VWA5B1: variants seen among roughly 807,000 people sequenced by gnomAD.
VWA5B1 encodes the protein von Willebrand factor A domain-containing protein 5B1.
VWA5B1 carries 115 observed loss-of-function variants against 118.2 expected under a neutral mutation model. The ratio of observed to expected loss-of-function variants is 0.97; its 90% CI spans 0.84 to 1.14. The LOEUF is 1.14. Among genes scored for constraint, VWA5B1 ranks in the 50% most tolerant of loss-of-function variants. The probability of loss-of-function intolerance (pLI) is 0.00; values close to 1 mark genes in which losing one functional copy is unlikely to be tolerated. For synonymous variants in VWA5B1, 682 were observed against 658.4 expected, an observed-to-expected ratio of 1.04 and a Z score of -0.55; for missense variants, 1,596 against 1,603.8, an observed-to-expected ratio of 1.00 and a Z score of 0.08.
Position 20,332,256 on chromosome 1 carries a change from G to A in VWA5B1, c.1573-510G>A, listed in dbSNP as rs553097136. Among the ~76,000 whole-genome samples, 6 of 152,112 alleles carry A rather than the reference G, an allele frequency of 3.9e-5. No individual in the cohort carries two copies. The South Asian group carries it at 1.2e-3, about 32-fold the overall frequency. On this transcript the variant is annotated intron_variant, in intron 11 of 21. Transcript: ENST00000289815. ...GTACTTTGGGAGGCCTAGGAAGGTG[G>A]ATCACTTGAGGCCAAGAGTTTGAGA...
chr1:20,315,536 G>GTGGGACAAGTGCTATT (rs1319733717), intron 4 of VWA5B1, among the ~76,000 whole-genome samples: 2 of 152,224 alleles, frequency 1.3e-5, no homozygotes, highest in African/African-American at 4.8e-5. Flanking sequence ...AGGGGACAGA[G>GTGGGACAAGTGCTATT]TGGGACAAGT....
At chr1:20,335,985 G>A (rs2089704680) in intron 12 of VWA5B1, among the ~76,000 whole-genome samples, 1 of 152,196 alleles carries the variant, frequency 6.6e-6, no homozygotes, top group Admixed American at 6.5e-5. Context: ...TGGAATGGAA[G>A]GAACAGATGG....
intron 9 of VWA5B1, among the ~76,000 whole-genome samples, chr1:20,329,499 A>G (rs4655197): frequency 0.68 from 103,852 of 151,632 alleles, 37,294 homozygotes; most frequent in East Asian, 0.91. Flanking sequence ...AATAAAGACA[A>G]GGTTTCACCA....
At chr1:20,353,532 G>A (rs968506614) in intron 21 of VWA5B1, among the ~76,000 whole-genome samples, 15 of 152,188 alleles carry the variant, frequency 9.9e-5, no homozygotes, top group Admixed American at 6.5e-4. Flanking sequence ...ACCCACCTAG[G>A]ACAAGAGGCA....
chr1:20,296,161 C>A (rs941454050), intron 1 of VWA5B1, among the ~76,000 whole-genome samples: 1 of 152,186 alleles, frequency 6.6e-6, no homozygotes, highest in Admixed American at 6.5e-5. Context: ...CCATGCCCGG[C>A]CAAGGTTGTA....
chr1:20,310,880 A>T (rs563178910), intron 2 of VWA5B1, 140 bp downstream of exon 2: 282 of 1,265,686 alleles, frequency 2.2e-4, no homozygotes, highest in Non-Finnish European at 2.9e-4. Flanking sequence ...AAATGGTGAG[A>T]TTCTTTCTGC....
At chr1:20,294,307 G>A (rs1028074545) in intron 1 of VWA5B1, 1 of 152,108 alleles carries the variant, frequency 6.6e-6, no homozygotes, top group African/African-American at 2.4e-5. Flanking sequence ...TTCGGCGTCT[G>A]GTCACTTGCC....
chr1:20,317,048 C>T (rs928832615), intron 4 of VWA5B1, among the ~76,000 whole-genome samples: 16 of 148,704 alleles, frequency 1.1e-4, no homozygotes, highest in African/African-American at 2.0e-4. Context: ...CCCAGCTACT[C>T]GGGAGGCTGA....
chr1:20,295,985 C>T (rs1007508473), intron 1 of VWA5B1, among the ~76,000 whole-genome samples: 4 of 152,176 alleles, frequency 2.6e-5, no homozygotes, highest in African/African-American at 9.7e-5. Flanking sequence ...GCCTCAGCCT[C>T]CTGAGTAGCT....
At chr1:20,307,479 G>A (rs1192911238) in intron 1 of VWA5B1, among the ~76,000 whole-genome samples, 1 of 152,240 alleles carries the variant, frequency 6.6e-6, no homozygotes, top group East Asian at 1.9e-4. Context: ...ACACTCCCTT[G>A]AGGCCTCACT....
At chr1:20,319,269 G>T in intron 6 of VWA5B1, 113 bp from the exon 7 acceptor site, 1 of 1,440,236 alleles carries the variant, frequency 6.9e-7, no homozygotes, top group Non-Finnish European at 9.3e-7. Flanking sequence ...CTTCCACCCC[G>T]CTTCCAAATG....
chr1:20,345,586 C>A lies in VWA5B1; in HGVS notation c.2757C>A (p.Pro919=). The A allele has an allele frequency of 6.5e-7, 1 of 1,547,376 alleles. No individual in the cohort carries two copies. Among genetic ancestry groups the A allele is most frequent in the South Asian group, 1.2e-5 (1 of 83,708 alleles). Residue 919 remains proline, a synonymous_variant, in exon 17 of 22, where the codon CCC becomes CCA. Transcript: ENST00000289815. ...ACCTGCCCACCGTGGTGGAGTACCC[C>A]AACTCTGGTAAGGCAGGCGAGCGGC... ...SRYLPTVVEY[P]NSGAALRMLG...
chr1:20,350,709 G>A, intron 19 of VWA5B1, 148 bp from the exon 20 acceptor site: 1 of 734,888 alleles, frequency 1.4e-6, no homozygotes, highest in South Asian at 1.6e-5. Flanking sequence ...GGAGCGGAAG[G>A]AGCTCCACAG....
Position 20,342,518 on chromosome 1 carries a change from C to T in VWA5B1, c.2220C>T (p.Gly740=), listed in dbSNP as rs553728862. ...GARRPSLLPQ[G]CQPFLPWGQE... is the part of the protein sequence containing the mutation. ...GAAGGCCCTCTCTGCTGCCCCAAGG[C>T]TGCCAGCCCTTCCTGCCCTGGGGCC... Residue 740 remains glycine, a synonymous_variant, in exon 15 of 22, where the codon GGC becomes GGT. Transcript: ENST00000289815. 6.5e-7 allele frequency: 1 copy of T among 1,550,360 alleles called. No individual in the cohort carries two copies. Among genetic ancestry groups the T allele is most frequent in the African/African-American group, 1.4e-5 (1 of 73,128 alleles).
Position 20,337,704 on chromosome 1 carries a change from G to A in VWA5B1, c.2001G>A (p.Lys667=), listed in dbSNP as rs1253993485. 13 of 1,551,532 alleles carry A rather than the reference G, an allele frequency of 8.4e-6. No homozygotes were observed. Among genetic ancestry groups the A allele is most frequent in the Non-Finnish European group, 1.1e-5 (13 of 1,147,000 alleles). ...AYSTNQITNH[K]PLPRATMASD... Reference sequence around the variant, plus strand: ...GCACCAACCAGATCACCAATCACAAGCCCCTCCCAAGAGCCACCATGGCAA... The same window carrying A: ...GCACCAACCAGATCACCAATCACAAACCCCTCCCAAGAGCCACCATGGCAA... Residue 667 remains lysine, a synonymous_variant, in exon 14 of 22, where the codon AAG becomes AAA. Coordinates refer to ENST00000289815, the MANE Select transcript of VWA5B1 (RefSeq NM_001039500.3).
intron 14 of VWA5B1, chr1:20,339,139 C>G (rs1332163256): frequency 2.6e-5 from 4 of 152,282 alleles, no homozygotes; most frequent in Non-Finnish European, 5.9e-5. Context: ...CATCCCCAAT[C>G]ATGACAACCA....
chr1:20,350,145 C>T lies in VWA5B1; in HGVS notation c.2879-11C>T. The stretch of plus-strand genomic sequence containing the variant: ...GGGAGAGGTCCAGCCTCACTGGCTC[C>T]TCTGTCCTAGACATGGAGGCAAGTC... On this transcript the variant is annotated splice_polypyrimidine_tract_variant and intron_variant, in intron 18 of 21. Transcript: ENST00000289815. 1 of 1,551,018 alleles carries T rather than the reference C, an allele frequency of 6.4e-7. No individual in the cohort carries two copies. The highest frequency in any genetic ancestry group is 8.7e-7 in the Non-Finnish European group (1 of 1,146,768).
rs541827239 is a variant in VWA5B1, at chr1:20,355,783, G to A, written c.*1520G>A. On this transcript the variant is annotated 3_prime_UTR_variant, in exon 22 of 22. Transcript: ENST00000289815. The stretch of plus-strand genomic sequence containing the variant: ...AGGGGAGAAAAAGCAGCCCCAACAT[G>A]ATATGGTGCCCTGCCCCCCACCCCC... Among the ~76,000 whole-genome samples the A allele has an allele frequency of 1.8e-4, 27 of 152,314 alleles. No homozygotes were observed. The highest frequency in any genetic ancestry group is 2.6e-4 in the Non-Finnish European group (18 of 68,012).
chr1:20,349,037 T>G, intron 18 of VWA5B1: 3 of 278,698 alleles, frequency 1.1e-5, no homozygotes, highest in South Asian at 9.5e-5. Flanking sequence ...GAGGAAGACA[T>G]CAGAGGTCCC....
Sources: allele counts gnomAD v4.1 joint callset (sites outside exome capture counted in the v4.1 genomes callset), GRCh38; gene constraint gnomAD v4.1.1; transcripts MANE v1.5; gene names NCBI Gene and HGNC (gene_info 2026-07-23, HGNC 2026-07-21).